The following DAB1 variants were observed in gnomAD, a reference collection of about 807,000 sequenced individuals.
DAB1 encodes the protein DAB adaptor protein 1, also known as disabled homolog 1.
DAB1 carries 15 observed loss-of-function variants against 64.6 expected under a neutral mutation model. The observed-to-expected ratio is 0.23, with a 90% CI of 0.16 to 0.36. The LOEUF is 0.36. Among genes scored for constraint, DAB1 ranks in the 10% least tolerant of loss-of-function variants. DAB1 has a pLI of 1.00. For synonymous variants in DAB1, 235 were observed against 251.9 expected, an observed-to-expected ratio of 0.93 and a Z score of 0.64; for missense variants, 596 against 706.7, an observed-to-expected ratio of 0.84 and a Z score of 1.78.
chr1:57,395,847 T>TCAAATCC (rs902303171), intron 1 of DAB1, among the ~76,000 whole-genome samples: 1 of 151,936 alleles, frequency 6.6e-6, no homozygotes, highest in African/African-American at 2.4e-5. Context: ...GCTATCTGAC[T>TCAAATCC]CAATTTTACT....
chr1:58,151,277 C>T (rs544486304), intron 4 of DAB1, among the ~76,000 whole-genome samples: 9 of 152,202 alleles, frequency 5.9e-5, no homozygotes, highest in Non-Finnish European at 1.2e-4. Flanking sequence ...CACTGTCTTC[C>T]ATAATGGTTG....
intron 4 of DAB1, among the ~76,000 whole-genome samples, chr1:57,097,511 T>C (rs1654271927): frequency 6.6e-6 from 1 of 152,170 alleles, no homozygotes; most frequent in Non-Finnish European, 1.5e-5. Flanking sequence ...TATAGTTGCA[T>C]GGCTATTAAT....
intron 4 of DAB1, among the ~76,000 whole-genome samples, chr1:58,234,674 T>A (rs1226352727): frequency 6.6e-6 from 1 of 152,134 alleles, no homozygotes; most frequent in South Asian, 2.1e-4. Flanking sequence ...TCCCAGGATA[T>A]CAAAGGCTCA....
intron 6 of DAB1, among the ~76,000 whole-genome samples, chr1:57,664,632 T>A (rs1479779663): frequency 6.6e-6 from 1 of 152,140 alleles, no homozygotes; most frequent in Non-Finnish European, 1.5e-5. Context: ...AATTTAATAA[T>A]TATGGATGTG....
At chr1:57,129,531 A>G (rs537256579) in intron 4 of DAB1, among the ~76,000 whole-genome samples, 1 of 152,278 alleles carries the variant, frequency 6.6e-6, no homozygotes, top group East Asian at 1.9e-4. Context: ...TAGAGAAAAG[A>G]AATGCAAAAT....
At chr1:58,148,579 C>T (rs1654741204) in intron 5 of DAB1, among the ~76,000 whole-genome samples, 3 of 151,984 alleles carry the variant, frequency 2.0e-5, no homozygotes. Context: ...GAGTAATTTA[C>T]AAGGAAAAAA....
intron 5 of DAB1, among the ~76,000 whole-genome samples, chr1:57,907,814 T>C (rs1272752212): frequency 6.7e-6 from 1 of 150,130 alleles, no homozygotes; most frequent in African/African-American, 2.5e-5. Context: ...TAGGTGATTT[T>C]GTCATTGTGC....
At chr1:58,310,536 T>C (rs977352106) in intron 4 of DAB1, among the ~76,000 whole-genome samples, 5 of 152,198 alleles carry the variant, frequency 3.3e-5, no homozygotes, top group African/African-American at 9.7e-5. Context: ...ACAATGCCTT[T>C]GCCTGTAGCT....
At chr1:57,468,688 A>G (rs1218742553) in intron 7 of DAB1, among the ~76,000 whole-genome samples, 1 of 152,184 alleles carries the variant, frequency 6.6e-6, no homozygotes, top group Non-Finnish European at 1.5e-5. Context: ...CAGCCATCCA[A>G]GAAAAAAAAT....
rs60360589 is a variant in DAB1, at chr1:58,541,614, C to CAAAAAA, written n.32+5083_32+5088dup. 4.6e-3 allele frequency: 300 copies of CAAAAAA among 65,584 alleles called. 6 individuals are homozygous for CAAAAAA. Among genetic ancestry groups the CAAAAAA allele is most frequent in the Middle Eastern group, 0.021 (2 of 94 alleles). The allele number at this position is 65,584 out of a possible 1,614,324, so 4.1% of individuals were successfully genotyped here. A position where few individuals can be genotyped will look rare whatever the true frequency, so the allele number is the denominator to read the frequency against. On this transcript the variant is annotated intron_variant and non_coding_transcript_variant, in intron 1 of 20. Coordinates refer to the DAB1 transcript ENST00000485760. ...CGTGGGCAACAGAATGAGAACCTGT[C>CAAAAAA]AAAAAAAAAAAAAAAAAAAAAAAAA...
chr1:58,005,722 C>T (rs939380588), intron 5 of DAB1, among the ~76,000 whole-genome samples: 1 of 151,812 alleles, frequency 6.6e-6, no homozygotes, highest in Non-Finnish European at 1.5e-5. Flanking sequence ...AGCTTAACTG[C>T]ACTCCAGTCA....
In DAB1 at chr1:57,439,678, C is replaced by T. The variant is rs911499692; in HGVS notation, n.626-148512G>A. Among the ~76,000 whole-genome samples, 12 of 148,870 alleles carry T rather than the reference C, an allele frequency of 8.1e-5. 1 individual carries two copies. The highest frequency in any genetic ancestry group is 2.8e-4 in the African/African-American group (11 of 39,812). ...TTCTGACCTCATGATCTGCCTGCCT[C>T]GGCCTCCCAAAGTGCTGGGATTACA... On this transcript the variant is annotated intron_variant and non_coding_transcript_variant, in intron 7 of 20. Transcript: ENST00000485760.
chr1:58,079,677 C>T (rs370740068), intron 5 of DAB1, among the ~76,000 whole-genome samples: 8 of 151,958 alleles, frequency 5.3e-5, no homozygotes, highest in East Asian at 1.9e-4. Flanking sequence ...CCTGCCACCA[C>T]GCCTGGCTAA....
intron 3 of DAB1, among the ~76,000 whole-genome samples, chr1:58,438,166 T>C (rs896348156): frequency 6.6e-6 from 1 of 152,178 alleles, no homozygotes; most frequent in Non-Finnish European, 1.5e-5. Context: ...ACCCAAGACA[T>C]TCCACTCTTT....
chr1:58,542,891 C>T lies in DAB1; in HGVS notation n.32+3812G>A, dbSNP rs531756815. Among the ~76,000 whole-genome samples, 4 of 152,164 alleles carry T rather than the reference C, an allele frequency of 2.6e-5. No individual in the cohort carries two copies. In the East Asian group the frequency reaches 5.8e-4, roughly 22 times the overall value. On this transcript the variant is annotated intron_variant and non_coding_transcript_variant, in intron 1 of 20. Transcript: ENST00000485760. Reference sequence around the variant, plus strand: ...AAAGATTTTACATAAAACAGTATTCCGCACAGGAATATAAGGGCATGTGTA... The same window carrying T: ...AAAGATTTTACATAAAACAGTATTCTGCACAGGAATATAAGGGCATGTGTA...
At chr1:58,180,989 A>G (rs1656759464) in intron 4 of DAB1, among the ~76,000 whole-genome samples, 1 of 152,154 alleles carries the variant, frequency 6.6e-6, no homozygotes, top group Non-Finnish European at 1.5e-5. Flanking sequence ...AGGTCAAAAT[A>G]ATTGATAGTG....
intron 5 of DAB1, among the ~76,000 whole-genome samples, chr1:57,912,172 G>A (rs1370264317): frequency 1.3e-5 from 2 of 152,126 alleles, no homozygotes; most frequent in Admixed American, 6.5e-5. Context: ...TGTATGTCAC[G>A]TACTCACAGA....
intron 2 of DAB1, among the ~76,000 whole-genome samples, chr1:57,265,294 T>G (rs1670503971): frequency 6.6e-6 from 1 of 152,220 alleles, no homozygotes; most frequent in African/African-American, 2.4e-5. Flanking sequence ...GTGCAGGATG[T>G]GCGTTCTTGT....
chr1:58,118,501 TATACAC>T (rs1313351176), intron 5 of DAB1, among the ~76,000 whole-genome samples: 5 of 63,290 alleles, frequency 7.9e-5, no homozygotes, highest in Non-Finnish European at 1.1e-4. Flanking sequence ...TATATATATA[TATACAC>T]ACACACACAC....
Sources: gnomAD v4.1 joint callset for allele counts (sites outside exome capture counted in the v4.1 genomes callset) on GRCh38, gnomAD v4.1.1 for gene constraint, MANE v1.5 for transcripts, NCBI Gene and HGNC (gene_info 2026-07-23, HGNC 2026-07-21) for gene names.